USP53: variants seen among roughly 807,000 people sequenced by gnomAD.
USP53 encodes the protein ubiquitin carboxyl-terminal hydrolase 53.
USP53 carries 71 observed loss-of-function variants against 94.9 expected under a neutral mutation model. The observed-to-expected ratio is 0.75, with a 90% CI of 0.62 to 0.91. USP53 has a LOEUF of 0.91. Ranked by LOEUF, USP53 falls within the 40% of genes least tolerant of loss-of-function variation. The probability of loss-of-function intolerance (pLI) is 0.00; values close to 1 mark genes in which losing one functional copy is unlikely to be tolerated. For missense variants in USP53, 1,173 were observed against 1,281.0 expected (o/e 0.92, Z 1.29); for synonymous variants, 375 against 422.7 (o/e 0.89, Z 1.39).
At chr4:119,265,498 C>CT (rs1267161061) in intron 12 of USP53, among the ~76,000 whole-genome samples, 2 of 152,130 alleles carry the variant, frequency 1.3e-5, no homozygotes, top group Non-Finnish European at 2.9e-5. Context: ...TGGTGAAACT[C>CT]TGTCTCTACT....
intron 13 of USP53, among the ~76,000 whole-genome samples, chr4:119,267,956 A>G (rs1221601591): frequency 6.6e-6 from 1 of 151,994 alleles, no homozygotes; most frequent in African/African-American, 2.4e-5. Context: ...TCATGAGGTC[A>G]GGAGATCGAG....
chr4:119,262,759 T>G (rs531738565), intron 12 of USP53, among the ~76,000 whole-genome samples: 1 of 152,330 alleles, frequency 6.6e-6, no homozygotes, highest in African/African-American at 2.4e-5. Flanking sequence ...AACTGTAATT[T>G]GTTTACTCAA....
chr4:119,223,854 G>A (rs536953926), intron 3 of USP53, among the ~76,000 whole-genome samples: 144 of 152,122 alleles, frequency 9.5e-4, no homozygotes, highest in Non-Finnish European at 1.2e-3. Flanking sequence ...GTCAAAAGAA[G>A]GAAAAAAGTT....
At chr4:119,226,658 T>A (rs1375699146) in intron 3 of USP53, among the ~76,000 whole-genome samples, 1 of 152,130 alleles carries the variant, frequency 6.6e-6, no homozygotes, top group Non-Finnish European at 1.5e-5. Flanking sequence ...GAGGTCTCAA[T>A]ATTGTTAAGA....
chr4:119,257,982 C>A (rs746874128), intron 9 of USP53, among the ~76,000 whole-genome samples: 5 of 152,188 alleles, frequency 3.3e-5, no homozygotes, highest in Admixed American at 1.3e-4. Flanking sequence ...GTAAACACTG[C>A]AAGTTGCAGG....
At chr4:119,272,378 G>T in intron 16 of USP53, 1 of 176,468 alleles carries the variant, frequency 5.7e-6, no homozygotes, top group Non-Finnish European at 1.2e-5. Flanking sequence ...GACTTCAATT[G>T]GTATCATCTA....
At chr4:119,236,461 C>T (rs1746772862) in intron 4 of USP53, among the ~76,000 whole-genome samples, 1 of 152,160 alleles carries the variant, frequency 6.6e-6, no homozygotes, top group Non-Finnish European at 1.5e-5. Context: ...CTTCCTTTCA[C>T]CAAAGATTCC....
intron 5 of USP53, 138 bp downstream of exon 5, chr4:119,240,041 A>C: frequency 1.0e-6 from 1 of 976,644 alleles, no homozygotes; most frequent in Non-Finnish European, 1.3e-6. Flanking sequence ...AAATGGGAGC[A>C]AAAGTGTTTT....
chr4:119,273,176 A>G (rs1752088709), intron 16 of USP53: 1 of 153,068 alleles, frequency 6.5e-6, no homozygotes, highest in African/African-American at 2.4e-5. Context: ...TTAGCCAGGT[A>G]TTGTGGCATA....
chr4:119,269,325 C>T (rs1278188576), intron 14 of USP53, among the ~76,000 whole-genome samples: 2 of 152,178 alleles, frequency 1.3e-5, no homozygotes, highest in Non-Finnish European at 2.9e-5. Flanking sequence ...TAATTTCTCT[C>T]TGCCTCAGTT....
chr4:119,275,275 T>C (rs1752467341), intron 17 of USP53, among the ~76,000 whole-genome samples: 4 of 100,782 alleles, frequency 4.0e-5, no homozygotes, highest in Non-Finnish European at 8.9e-5. Context: ...GATTTTTGTA[T>C]AAGGTGTAAG....
At chr4:119,272,661 C>T (rs1752021336) in intron 16 of USP53, 1 of 152,360 alleles carries the variant, frequency 6.6e-6, no homozygotes, top group African/African-American at 2.4e-5. Context: ...CTTGGCCTCC[C>T]AAAGTGCTGG....
At chr4:119,292,220 TA>T in intron 18 of USP53, 117 bp from the exon 19 acceptor site, 3 of 1,171,914 alleles carry the variant, frequency 2.6e-6, no homozygotes, top group African/African-American at 1.6e-5. Flanking sequence ...GGTTTTGTTG[TA>T]AAAATAATAT....
At chr4:119,253,681 G>A (rs974009939) in intron 7 of USP53, among the ~76,000 whole-genome samples, 9 of 152,230 alleles carry the variant, frequency 5.9e-5, no homozygotes, top group Admixed American at 4.6e-4. Context: ...CAATTTGCCA[G>A]TCTATGTCTT....
intron 12 of USP53, among the ~76,000 whole-genome samples, chr4:119,263,824 C>A (rs182169431): frequency 1.3e-5 from 2 of 152,252 alleles, no homozygotes; most frequent in South Asian, 4.1e-4. Context: ...ATAATCCCAG[C>A]ACTTTGGGAG....
At chr4:119,263,796 T>C (rs116351779) in intron 12 of USP53, among the ~76,000 whole-genome samples, 2,095 of 152,158 alleles carry the variant, frequency 0.014, 17 homozygotes, top group Admixed American at 0.02. Flanking sequence ...GCCGGGCTGG[T>C]CACGGGGGCT....
intron 12 of USP53, 134 bp downstream of exon 12, chr4:119,261,998 G>A: frequency 1.2e-6 from 1 of 837,246 alleles, no homozygotes; most frequent in Non-Finnish European, 1.6e-6. Context: ...CATGATGATA[G>A]CATCAGTAAG....
At chr4:119,291,354 G>T in intron 18 of USP53, 93 bp downstream of exon 18, 1 of 741,666 alleles carries the variant, frequency 1.3e-6, no homozygotes, top group Non-Finnish European at 2.1e-6. Context: ...AAAGCAATGG[G>T]TCTATAGTAT....
chr4:119,261,249 C>T (rs943833192), intron 11 of USP53, among the ~76,000 whole-genome samples: 2 of 152,088 alleles, frequency 1.3e-5, no homozygotes, highest in African/African-American at 4.8e-5. Flanking sequence ...GCGTGAGCCA[C>T]CACACCCCGC....
Sources: allele counts gnomAD v4.1 joint callset (sites outside exome capture counted in the v4.1 genomes callset), GRCh38; gene constraint gnomAD v4.1.1; transcripts MANE v1.5; gene names NCBI Gene and HGNC (gene_info 2026-07-23, HGNC 2026-07-21).